The following MTERF4 variants were observed in gnomAD, a reference collection of about 807,000 sequenced individuals.
MTERF4 encodes the protein transcription termination factor 4, mitochondrial.
In MTERF4, 17 loss-of-function variants were observed where a neutral mutation model predicts 22.5. The ratio of observed to expected loss-of-function variants is 0.75; its 90% CI spans 0.52 to 1.13. The LOEUF is 1.13. MTERF4 is among the 50% of genes most tolerant of loss of function. The pLI, the probability that MTERF4 is intolerant of heterozygous loss-of-function variation, is 0.00. For synonymous variants in MTERF4, 165 were observed against 175.3 expected, an observed-to-expected ratio of 0.94 and a Z score of 0.47; for missense variants, 420 against 466.8, an observed-to-expected ratio of 0.90 and a Z score of 0.92.
downstream of MTERF4, chr2:241,071,701 A>AACCC: frequency 8.6e-6 from 11 of 1,281,722 alleles, no homozygotes; most frequent in Non-Finnish European, 1.2e-5. Flanking sequence ...CGCCCCCGAG[A>AACCC]CCCCCACCCA....
rs368461655 is a variant in MTERF4, at chr2:241,095,980, C to T, written c.*18G>A. On this transcript the variant is annotated 3_prime_UTR_variant, in exon 4 of 4. Coordinates refer to ENST00000391980, the MANE Select transcript of MTERF4 (RefSeq NM_182501.4). ...CTTGATATCTCTGGGCCCTTTCGCTCTAGTCCTTCCATCACAGCTATTCCT... is the reference window on the plus strand; with the variant it reads ...CTTGATATCTCTGGGCCCTTTCGCTTTAGTCCTTCCATCACAGCTATTCCT... 3 of 1,611,596 alleles carry T rather than the reference C, an allele frequency of 1.9e-6. No individual in the cohort carries two copies. The highest frequency in any genetic ancestry group is 1.7e-5 in the Admixed American group (1 of 59,868).
At chr2:241,048,767 G>T in the MTERF4 span, 1 of 1,606,422 alleles carries the variant, frequency 6.2e-7, no homozygotes, top group Non-Finnish European at 8.5e-7. Context: ...TGTGAATTTG[G>T]TAGGTGCCCA....
the MTERF4 span, chr2:241,065,642 G>T: frequency 1.3e-6 from 2 of 1,554,582 alleles, no homozygotes; most frequent in South Asian, 2.3e-5. Flanking sequence ...CCTGCCCCTC[G>T]AGGGCAGCGC....
At chr2:241,057,274 G>A in the MTERF4 span, among the ~76,000 whole-genome samples, 1 of 151,570 alleles carries the variant, frequency 6.6e-6, no homozygotes, top group African/African-American at 2.4e-5. Flanking sequence ...AGCTACTCAG[G>A]AGGCTGAAGC....
At chr2:241,047,059 C>G in the MTERF4 span, among the ~76,000 whole-genome samples, 1 of 149,782 alleles carries the variant, frequency 6.7e-6, no homozygotes, top group Non-Finnish European at 1.5e-5. Context: ...AGGAGAATCA[C>G]TTGAACCCCA....
At chr2:241,089,494 G>T (rs2063769406), downstream of MTERF4, 1 of 1,471,038 alleles carries the variant, frequency 6.8e-7, no homozygotes, top group East Asian at 2.5e-5. Flanking sequence ...AAAGGTCTGG[G>T]CCGGAGCTCC....
At position 241,096,721 on chromosome 2, in the gene MTERF4, T is replaced by C. The variant is rs1559337775; in HGVS notation, c.706-283A>G. On this transcript the variant is annotated intron_variant, in intron 3 of 3. Transcript: ENST00000391980. The surrounding 1 kb of genome is among the most constrained non-coding windows in gnomAD (Gnocchi z 5.1). ...GGAAGAGGTGGTATTTTTCTTTAAA[T>C]GGGGAAGGAAAAGGATGAATATGGA... is the stretch of plus-strand genomic sequence containing the variant. 1.6e-6 allele frequency: 1 copy of C among 626,268 alleles called. No homozygotes were observed. The highest frequency in any genetic ancestry group is 1.8e-5 in the African/African-American group (1 of 54,954). The allele number at this position is 626,268 out of a possible 1,614,324, so 38.8% of individuals were successfully genotyped here.
downstream of MTERF4, chr2:241,090,194 T>C: frequency 6.8e-7 from 1 of 1,469,712 alleles, no homozygotes; most frequent in Non-Finnish European, 9.0e-7. Context: ...TGCTTTTCTC[T>C]GTTTTTAAAA....
chr2:241,080,727 C>T (rs532740675), intron 4 of MTERF4, among the ~76,000 whole-genome samples: 52 of 152,372 alleles, frequency 3.4e-4, no homozygotes, highest in African/African-American at 1.1e-3. Context: ...CTGTGTTCAT[C>T]GTGATGCTCA....
the MTERF4 span, chr2:241,064,903 G>A: frequency 5.7e-6 from 9 of 1,583,542 alleles, no homozygotes; most frequent in African/African-American, 2.7e-5. The surrounding 1 kb of genome is among the most constrained non-coding windows in gnomAD (Gnocchi z 7.0). Flanking sequence ...GGCCAGCAAC[G>A]GCTCCCACAG....
At chr2:241,053,866 T>C in the MTERF4 span, among the ~76,000 whole-genome samples, 1 of 152,200 alleles carries the variant, frequency 6.6e-6, no homozygotes, top group African/African-American at 2.4e-5. Context: ...AGTAGGGCCA[T>C]TAACACCCTG....
downstream of MTERF4, chr2:241,091,656 T>TA (rs1389197135): frequency 6.6e-6 from 1 of 152,264 alleles, no homozygotes; most frequent in African/African-American, 2.4e-5. The surrounding 1 kb of genome is among the most constrained non-coding windows in gnomAD (Gnocchi z 4.1). Context: ...ACGTTCTTGT[T>TA]ACACTCCACC....
chr2:241,047,440 A>T, the MTERF4 span, among the ~76,000 whole-genome samples: 1 of 152,228 alleles, frequency 6.6e-6, no homozygotes, highest in Non-Finnish European at 1.5e-5. Flanking sequence ...TTCATAGAAC[A>T]TGTACACAGG....
the MTERF4 span, among the ~76,000 whole-genome samples, chr2:241,061,873 A>G: frequency 2.0e-5 from 3 of 151,766 alleles, no homozygotes; most frequent in Non-Finnish European, 4.4e-5. Context: ...AAAAAGAAAA[A>G]AAGAAAACAA....
In MTERF4 at chr2:241,080,689, C is replaced by T. The variant is rs372694573; in HGVS notation, n.480-5007G>A. Among the ~76,000 whole-genome samples, 46 of 152,350 alleles carry T rather than the reference C, an allele frequency of 3.0e-4. No individual in the cohort carries two copies. The East Asian group carries it at 7.1e-3, about 24-fold the overall frequency. On this transcript the variant is annotated intron_variant and non_coding_transcript_variant, in intron 4 of 4. Transcript: ENST00000464344. ...CAGGAAAACAACTGACAGCAATGGA[C>T]GGAAGCCCATGAAATATACCAATAT...
chr2:241,097,225 G>A lies in MTERF4; in HGVS notation c.705+18C>T, dbSNP rs369580859. ...TCTCACCTGAAACTACGCTAATCAC[G>A]CTATCAGTCATTCTCACCTGAAACT... On this transcript the variant is annotated intron_variant, in intron 3 of 3. Transcript: ENST00000391980. 45 of 1,612,404 alleles carry A rather than the reference G, an allele frequency of 2.8e-5. No individual in the cohort carries two copies. In the African/African-American group the frequency reaches 3.6e-4, roughly 13 times the overall value.
the MTERF4 span, among the ~76,000 whole-genome samples, chr2:241,065,746 C>T: frequency 3.3e-5 from 5 of 152,196 alleles, no homozygotes; most frequent in African/African-American, 9.7e-5. Flanking sequence ...TTGGAGGCAC[C>T]GCCCTGCTGG....
chr2:241,081,659 C>T (rs777889552), intron 4 of MTERF4: 10 of 1,559,764 alleles, frequency 6.4e-6, no homozygotes, highest in African/African-American at 1.4e-5. Context: ...ACTAACCTCT[C>T]GTGACCTCTG....
At chr2:241,067,527 G>A (rs1179473655), downstream of MTERF4, among the ~76,000 whole-genome samples, 2 of 152,200 alleles carry the variant, frequency 1.3e-5, no homozygotes, top group African/African-American at 4.8e-5. Flanking sequence ...AGACGGGCTG[G>A]CCCACAGCGG....
Sources: gnomAD v4.1 joint callset for allele counts (sites outside exome capture counted in the v4.1 genomes callset) on GRCh38, gnomAD v4.1.1 for gene constraint, Gnocchi (gnomAD v3.1) non-coding constraint, MANE v1.5 for transcripts, NCBI Gene and HGNC (gene_info 2026-07-23, HGNC 2026-07-21) for gene names.